The following TESC variants were observed in gnomAD, a reference collection of about 807,000 sequenced individuals.
The protein encoded by TESC is calcineurin B homologous protein 3.
In TESC, 19 loss-of-function variants were observed where a neutral mutation model predicts 31.0. That is an observed-to-expected ratio of 0.61 (90% CI 0.43 to 0.90). The LOEUF is 0.90. Ranked by LOEUF, TESC falls within the 40% of genes least tolerant of loss-of-function variation. The pLI, the probability that TESC is intolerant of heterozygous loss-of-function variation, is 0.00. For synonymous variants in TESC, 109 were observed against 114.8 expected (o/e 0.95, Z 0.32); for missense variants, 248 against 303.8 (o/e 0.82, Z 1.36).
intron 7 of TESC, 66 bp from the exon 8 acceptor site, chr12:117,039,276 C>G (rs1052192369): frequency 1.4e-5 from 21 of 1,476,872 alleles, no homozygotes; most frequent in Middle Eastern, 1.7e-4. Context: ...CCAGGCCCCC[C>G]GGTCCTCGGC....
chr12:117,099,075 G>C, intron 1 of TESC, 150 bp downstream of exon 1: 1 of 794,498 alleles, frequency 1.3e-6, no homozygotes, highest in Non-Finnish European at 1.8e-6. Context: ...GTGGCCAGCG[G>C]GGACCCATTT....
chr12:117,038,936 CTTTT>C lies in TESC; in HGVS notation c.*193_*196del. The C allele has an allele frequency of 1.3e-5, 6 of 479,744 alleles. No individual in the cohort carries two copies. Among genetic ancestry groups the C allele is most frequent in the Admixed American group, 3.5e-5 (1 of 28,300 alleles). 29.7% of individuals were successfully genotyped at this position (479,744 alleles called of 1,614,324 possible). On this transcript the variant is annotated 3_prime_UTR_variant, in exon 8 of 8. Transcript: ENST00000335209. The stretch of plus-strand genomic sequence containing the variant: ...ACAGAGGCCACATTAATTAACAAAC[CTTTT>C]TTTTTTTTTTATTGGAGATAAAAAC...
At chr12:117,051,515 G>A (rs1164576949) in intron 3 of TESC, among the ~76,000 whole-genome samples, 1 of 152,108 alleles carries the variant, frequency 6.6e-6, no homozygotes. Flanking sequence ...TCCTGCCACA[G>A]GCTTTAATAA....
At chr12:117,075,456 A>G (rs897096829) in intron 1 of TESC, 116 bp from the exon 2 acceptor site, 5 of 1,061,882 alleles carry the variant, frequency 4.7e-6, no homozygotes, top group Non-Finnish European at 6.8e-6. Context: ...CCCCTTCTCA[A>G]AGCATCTCCC....
At position 117,039,175 on chromosome 12, in the gene TESC, G is replaced by A. The variant is rs376205330; in HGVS notation, c.603C>T (p.His201=). ...WQGIDIETKM[H]VRFLNMETMA... ...TGGTTTCCATGTTAAGGAAGCGGACGTGCATCTTGGTCTCAATGTCGATCC... is the reference window on the plus strand; with the variant it reads ...TGGTTTCCATGTTAAGGAAGCGGACATGCATCTTGGTCTCAATGTCGATCC... Residue 201 remains histidine (H), a synonymous_variant, in exon 8 of 8, where the codon CAC becomes CAT. Transcript: ENST00000335209. The A allele has an allele frequency of 2.1e-4, 346 of 1,614,126 alleles. 1 individual carries two copies. In the African/African-American group the frequency reaches 3.8e-3, roughly 18 times the overall value.
At chr12:117,048,776 C>T (rs988360686) in intron 4 of TESC, 5 of 663,884 alleles carry the variant, frequency 7.5e-6, no homozygotes, top group East Asian at 3.1e-5. Flanking sequence ...TCACATCCAC[C>T]GCACAACCCC....
chr12:117,066,226 G>T (rs4323983), intron 2 of TESC, among the ~76,000 whole-genome samples: 117,975 of 118,098 alleles, frequency 1, 58,927 homozygotes, highest in Middle Eastern at 1. Context: ...TTTTTTTTTG[G>T]GGCAGGGCTT....
At chr12:117,081,218 G>C (rs1955142902) in intron 1 of TESC, among the ~76,000 whole-genome samples, 1 of 152,162 alleles carries the variant, frequency 6.6e-6, no homozygotes, top group South Asian at 2.1e-4. Context: ...ATGGGCTGAA[G>C]TGGAAACCAC....
intron 3 of TESC, among the ~76,000 whole-genome samples, chr12:117,053,079 C>T (rs1325068657): frequency 1.3e-5 from 2 of 152,190 alleles, no homozygotes. Context: ...GCCCGTCGCG[C>T]CTGGAGTCCC....
intron 7 of TESC, 47 bp downstream of exon 7, chr12:117,041,900 C>G: frequency 1.9e-6 from 3 of 1,544,462 alleles, no homozygotes; most frequent in Non-Finnish European, 2.6e-6. Context: ...GTGGGCCACA[C>G]GAGGTCTTCA....
At chr12:117,049,355 C>A (rs1200704934) in intron 3 of TESC, among the ~76,000 whole-genome samples, 197 bp from the exon 4 acceptor site, 1 of 152,222 alleles carries the variant, frequency 6.6e-6, no homozygotes, top group Non-Finnish European at 1.5e-5. Context: ...TCAGCCCTTG[C>A]CCTGCCCTCA....
chr12:117,055,556 T>TTCTAACGA (rs1463360875), intron 3 of TESC, among the ~76,000 whole-genome samples: 22 of 152,342 alleles, frequency 1.4e-4, no homozygotes, highest in Admixed American at 5.9e-4. Context: ...GGGGGTGACC[T>TTCTAACGA]AGTGACTCAC....
chr12:117,086,537 T>G (rs1417578062), intron 1 of TESC, among the ~76,000 whole-genome samples: 5 of 152,108 alleles, frequency 3.3e-5, no homozygotes, highest in Non-Finnish European at 5.9e-5. Flanking sequence ...ACTCAAGTGA[T>G]CCTCCCTGCC....
intron 1 of TESC, among the ~76,000 whole-genome samples, chr12:117,088,541 C>T (rs578258885): frequency 2.8e-4 from 42 of 152,170 alleles, no homozygotes; most frequent in Non-Finnish European, 3.8e-4. Flanking sequence ...ATTAGCTGGG[C>T]GTGGCGGCGC....
intron 1 of TESC, among the ~76,000 whole-genome samples, chr12:117,079,569 A>G (rs1337114817): frequency 6.6e-6 from 1 of 152,066 alleles, no homozygotes; most frequent in African/African-American, 2.4e-5. Context: ...CTCAAAAAAA[A>G]AAAAAGCGTT....
intron 1 of TESC, among the ~76,000 whole-genome samples, chr12:117,077,700 A>G (rs1955092189): frequency 6.6e-6 from 1 of 152,204 alleles, no homozygotes; most frequent in Non-Finnish European, 1.5e-5. Context: ...CTCAACTACA[A>G]TGTTAGAGGT....
chr12:117,062,063 C>T (rs1954806354), intron 2 of TESC, among the ~76,000 whole-genome samples: 1 of 152,094 alleles, frequency 6.6e-6, no homozygotes, highest in African/African-American at 2.4e-5. Flanking sequence ...GCAGCAGTAA[C>T]AGTAATCGCT....
intron 1 of TESC, among the ~76,000 whole-genome samples, chr12:117,082,260 T>C (rs1955159038): frequency 6.6e-6 from 1 of 151,918 alleles, no homozygotes; most frequent in African/African-American, 2.4e-5. Context: ...TCCCAACATT[T>C]TGGGAAGCCG....
intron 3 of TESC, among the ~76,000 whole-genome samples, chr12:117,052,219 T>C (rs1460304509): frequency 6.6e-6 from 1 of 152,190 alleles, no homozygotes; most frequent in African/African-American, 2.4e-5. Flanking sequence ...CCAATTCTTC[T>C]GTAAGGAATG....
Sources: gnomAD v4.1 joint callset for allele counts (sites outside exome capture counted in the v4.1 genomes callset) on GRCh38, gnomAD v4.1.1 for gene constraint, MANE v1.5 for transcripts, NCBI Gene and HGNC (gene_info 2026-07-23, HGNC 2026-07-21) for gene names.